Variants in CSE1L observed in about 807,000 individuals in gnomAD.
The protein encoded by CSE1L is exportin-2.
A neutral mutation model predicts 120.4 loss-of-function variants in CSE1L; 24 were observed. That is an observed-to-expected ratio of 0.20 (90% CI 0.14 to 0.28). The LOEUF is 0.28. CSE1L is among the 10% of genes least tolerant of loss of function. The pLI, the probability that CSE1L is intolerant of heterozygous loss-of-function variation, is 1.00. For synonymous variants in CSE1L, 402 were observed against 398.3 expected (o/e 1.01, Z -0.11); for missense variants, 830 against 1,145.2 (o/e 0.72, Z 3.97).
intron 1 of CSE1L, among the ~76,000 whole-genome samples, chr20:49,052,866 C>T (rs780184938): frequency 5.9e-5 from 9 of 152,104 alleles, no homozygotes; most frequent in African/African-American, 1.7e-4. Flanking sequence ...GGCTAACAGG[C>T]GGCAGCCACT....
intron 3 of CSE1L, among the ~76,000 whole-genome samples, chr20:49,063,833 C>T (rs2091870340): frequency 1.3e-5 from 2 of 152,154 alleles, no homozygotes; most frequent in African/African-American, 2.4e-5. Context: ...AAAACATTTG[C>T]AGAATGCAAA....
At chr20:49,075,593 C>T (rs909406242) in intron 12 of CSE1L, 73 bp downstream of exon 12, 29 of 1,173,206 alleles carry the variant, frequency 2.5e-5, no homozygotes, top group African/African-American at 6.2e-5. Context: ...AAAGAAATAA[C>T]GTCTCTGATA....
intron 16 of CSE1L, among the ~76,000 whole-genome samples, chr20:49,087,581 C>G (rs1242038732): frequency 6.6e-6 from 1 of 151,974 alleles, no homozygotes; most frequent in Non-Finnish European, 1.5e-5. Flanking sequence ...GTCTCAGACT[C>G]TAGCCTCAAG....
chr20:49,086,119 A>G (rs1261547468), intron 16 of CSE1L, among the ~76,000 whole-genome samples: 1 of 152,088 alleles, frequency 6.6e-6, no homozygotes, highest in East Asian at 1.9e-4. Context: ...ACCAGGCACT[A>G]CATTAGTTGA....
chr20:49,047,564 CTT>C (rs59986218), intron 1 of CSE1L, among the ~76,000 whole-genome samples: 443 of 69,732 alleles, frequency 6.4e-3, no homozygotes, highest in Middle Eastern at 0.02. Flanking sequence ...TTTCTCTTTT[CTT>C]TTTTTTTTTT....
intron 7 of CSE1L, among the ~76,000 whole-genome samples, 189 bp downstream of exon 7, chr20:49,069,011 A>G (rs960598780): frequency 6.6e-6 from 1 of 152,122 alleles, no homozygotes; most frequent in Non-Finnish European, 1.5e-5. Context: ...GTTTCATGGA[A>G]AAAAGCAGTA....
chr20:49,079,006 C>G (rs553616521), intron 14 of CSE1L, among the ~76,000 whole-genome samples: 1 of 152,174 alleles, frequency 6.6e-6, no homozygotes, highest in East Asian at 1.9e-4. Flanking sequence ...ATTCTCCTGT[C>G]TCAGCCTCCC....
chr20:49,053,899 A>G (rs2091787388), intron 1 of CSE1L, among the ~76,000 whole-genome samples: 1 of 152,102 alleles, frequency 6.6e-6, no homozygotes, highest in Non-Finnish European at 1.5e-5. Flanking sequence ...CATGTTGCCC[A>G]GGCAGGTCTT....
rs756226212 is a variant in CSE1L, at chr20:49,072,366, T to C, written c.849T>C (p.Asp283=). ...DNAALYAQKY[D]EEFQRYLPRF... is the part of the protein sequence containing the mutation. ...CCGCACTCTATGCACAAAAGTACGA[T>C]GAAGAATTCCAGCGATACCTGCCTC... is the stretch of plus-strand genomic sequence containing the variant. Residue 283 remains aspartate, a synonymous_variant, in exon 9 of 25, where the codon GAT becomes GAC. Coordinates refer to ENST00000262982, the MANE Select transcript of CSE1L (RefSeq NM_001316.4). The C allele has an allele frequency of 6.2e-7, 1 of 1,614,192 alleles. No homozygotes were observed. The highest frequency in any genetic ancestry group is 8.5e-7 in the Non-Finnish European group (1 of 1,180,036).
chr20:49,074,653 G>C, intron 10 of CSE1L, 132 bp from the exon 11 acceptor site: 1 of 595,366 alleles, frequency 1.7e-6, no homozygotes, highest in Non-Finnish European at 2.9e-6. Context: ...AAGAGTATAT[G>C]AAGTAGTCAT....
intron 22 of CSE1L, among the ~76,000 whole-genome samples, chr20:49,093,815 G>A (rs1418317122): frequency 6.6e-6 from 1 of 151,792 alleles, no homozygotes; most frequent in African/African-American, 2.4e-5. Flanking sequence ...TACTCAGGGG[G>A]CTGAGGCAGG....
At chr20:49,065,688 G>A (rs1413480121) in intron 3 of CSE1L, among the ~76,000 whole-genome samples, 1 of 145,706 alleles carries the variant, frequency 6.9e-6, no homozygotes, top group Non-Finnish European at 1.5e-5. Context: ...CCACCTCCTG[G>A]GTTCAAGCAA....
rs767053350 is a variant in CSE1L at position 49,078,658 on chromosome 20, C to T, written c.1482+36C>T. 5.0e-6 allele frequency: 7 copies of T among 1,411,302 alleles called. No individual in the cohort carries two copies. The South Asian group carries it at 7.7e-5, about 15-fold the overall frequency. The allele number at this position is 1,411,302 out of a possible 1,614,324, so 87.4% of individuals were successfully genotyped here. A position where few individuals can be genotyped will look rare whatever the true frequency, so the allele number is the denominator to read the frequency against. On this transcript the variant is annotated intron_variant, in intron 14 of 24. Transcript: ENST00000262982. The stretch of plus-strand genomic sequence containing the variant: ...TTTTATTTGTTACACGCCACTTAAT[C>T]TCTTTAAGAGTTTTATTATGTACCA...
chr20:49,088,232 A>C (rs960768205), intron 17 of CSE1L, 126 bp downstream of exon 17: 6 of 676,852 alleles, frequency 8.9e-6, no homozygotes, highest in African/African-American at 3.7e-5. Flanking sequence ...ACCAGCCACT[A>C]ATGGACTTTT....
chr20:49,083,478 T>C (rs1400307759), intron 14 of CSE1L, among the ~76,000 whole-genome samples: 2 of 152,346 alleles, frequency 1.3e-5, no homozygotes, highest in East Asian at 3.9e-4. Context: ...TTGCCCAGGC[T>C]GGTCTTGAGC....
chr20:49,055,937 T>C (rs2123659221), intron 1 of CSE1L, among the ~76,000 whole-genome samples: 1 of 152,246 alleles, frequency 6.6e-6, no homozygotes, highest in African/African-American at 2.4e-5. Flanking sequence ...TCCACTGACC[T>C]TTTTTACATT....
At chr20:49,063,439 C>A in intron 3 of CSE1L, 95 bp downstream of exon 3, 1 of 723,874 alleles carries the variant, frequency 1.4e-6, no homozygotes, top group South Asian at 2.9e-5. Flanking sequence ...GCTTGTAGTC[C>A]CAACTACTCT....
At chr20:49,092,871 C>T (rs2092112708) in intron 22 of CSE1L, among the ~76,000 whole-genome samples, 1 of 151,342 alleles carries the variant, frequency 6.6e-6, no homozygotes, top group Admixed American at 6.6e-5. Flanking sequence ...CGTGCTAATC[C>T]ATATCGTTCC....
intron 1 of CSE1L, among the ~76,000 whole-genome samples, chr20:49,051,057 A>C (rs1294496893): frequency 6.6e-6 from 1 of 152,256 alleles, no homozygotes; most frequent in Non-Finnish European, 1.5e-5. Flanking sequence ...TGAACAAAGC[A>C]CAAAGTCCCT....
Sources: gnomAD v4.1 joint callset for allele counts (sites outside exome capture counted in the v4.1 genomes callset) on GRCh38, gnomAD v4.1.1 for gene constraint, MANE v1.5 for transcripts, NCBI Gene and HGNC (gene_info 2026-07-23, HGNC 2026-07-21) for gene names.